The following MYZAP variants were observed in gnomAD, a reference collection of about 807,000 sequenced individuals.
MYZAP encodes GRINL1A complex locus upstream.
MYZAP carries 66 observed loss-of-function variants against 69.4 expected under a neutral mutation model. The ratio of observed to expected loss-of-function variants is 0.95; its 90% CI spans 0.78 to 1.17. The LOEUF is 1.17. Ranked by LOEUF, MYZAP falls within the 50% of genes most tolerant of loss-of-function variation. The probability of loss-of-function intolerance (pLI) is 0.00; values close to 1 mark genes in which losing one functional copy is unlikely to be tolerated. For missense variants in MYZAP, 611 were observed against 556.2 expected (o/e 1.10, Z -0.99); for synonymous variants, 256 against 205.9 (o/e 1.24, Z -2.09).
intron 10 of MYZAP, among the ~76,000 whole-genome samples, chr15:57,642,497 T>A (rs1009274522): frequency 5.3e-5 from 8 of 152,110 alleles, no homozygotes; most frequent in African/African-American, 1.9e-4. Flanking sequence ...AGCCTTTAAG[T>A]GTAGCGGATG....
chr15:57,601,276 G>GTGTGTGTGT, intron 1 of MYZAP, among the ~76,000 whole-genome samples: 1 of 147,934 alleles, frequency 6.8e-6, no homozygotes, highest in Non-Finnish European at 1.5e-5. Flanking sequence ...GTGCACACTT[G>GTGTGTGTGT]TGTGTGTGTG....
At chr15:57,633,808 C>A (rs969359759) in intron 8 of MYZAP, 67 bp downstream of exon 8, 5 of 1,377,118 alleles carry the variant, frequency 3.6e-6, no homozygotes, top group Non-Finnish European at 4.7e-6. Flanking sequence ...ATCTGAGATA[C>A]GAGAGGCCCT....
At chr15:57,620,341 C>T (rs1200579164) in intron 3 of MYZAP, among the ~76,000 whole-genome samples, 1 of 152,280 alleles carries the variant, frequency 6.6e-6, no homozygotes, top group African/African-American at 2.4e-5. Context: ...ATGTCCTAAA[C>T]ACTTACATTC....
chr15:57,620,206 C>T (rs1377072653), intron 3 of MYZAP, among the ~76,000 whole-genome samples: 2 of 152,204 alleles, frequency 1.3e-5, no homozygotes, highest in Non-Finnish European at 2.9e-5. Flanking sequence ...TTTTAGAATT[C>T]ATGTGGGGAA....
chr15:57,611,234 T>G lies in MYZAP; in HGVS notation c.163-6799T>G, dbSNP rs187434981. ...GCTCTTTAAAGTACAGAAAATAACT[T>G]TCTTAGGGGCACACAGCTAGTAGAT... is the stretch of plus-strand genomic sequence containing the variant. On this transcript the variant is annotated intron_variant, in intron 2 of 12. Transcript: ENST00000267853. 1.1e-4 allele frequency among the ~76,000 whole-genome samples: 17 copies of G among 152,224 alleles called. 1 individual carries two copies. Among genetic ancestry groups the G allele is most frequent in the Admixed American group, 9.2e-4 (14 of 15,288 alleles).
intron 12 of MYZAP, among the ~76,000 whole-genome samples, chr15:57,676,431 T>C (rs2039127975): frequency 1.1e-5 from 1 of 88,742 alleles, no homozygotes; most frequent in Non-Finnish European, 2.3e-5. Flanking sequence ...TGTATATATA[T>C]ATATGTATAT....
chr15:57,643,339 G>C (rs190514878), intron 10 of MYZAP, among the ~76,000 whole-genome samples: 64 of 152,298 alleles, frequency 4.2e-4, no homozygotes, highest in Middle Eastern at 3.4e-3. Flanking sequence ...CGAGTTCCAG[G>C]GTAGTCTTGC....
chr15:57,615,662 G>A (rs1167233236), intron 2 of MYZAP, among the ~76,000 whole-genome samples: 1 of 152,198 alleles, frequency 6.6e-6, no homozygotes, highest in Non-Finnish European at 1.5e-5. Context: ...TTTCATTAGA[G>A]CTTTTCCTCT....
At chr15:57,612,032 A>T (rs1844122637) in intron 2 of MYZAP, among the ~76,000 whole-genome samples, 1 of 152,226 alleles carries the variant, frequency 6.6e-6, no homozygotes, top group South Asian at 2.1e-4. Flanking sequence ...GTTAAGTATG[A>T]GTAATGACCT....
At chr15:57,681,141 A>T (rs1185058245) in intron 12 of MYZAP, among the ~76,000 whole-genome samples, 1 of 152,160 alleles carries the variant, frequency 6.6e-6, no homozygotes, top group South Asian at 2.1e-4. Context: ...CTTTCAGGAT[A>T]TTGTCATTGG....
chr15:57,652,628 A>G (rs1453858878), intron 10 of MYZAP, among the ~76,000 whole-genome samples: 4 of 152,208 alleles, frequency 2.6e-5, no homozygotes, highest in Admixed American at 1.3e-4. Flanking sequence ...TGTTAAGAGA[A>G]TTGGAAACAA....
At chr15:57,640,890 A>G (rs1218802726) in intron 10 of MYZAP, among the ~76,000 whole-genome samples, 2 of 152,242 alleles carry the variant, frequency 1.3e-5, no homozygotes, top group African/African-American at 2.4e-5. Context: ...TGCCCATAAC[A>G]GTAATGCGGA....
At chr15:57,656,181 G>A (rs1272247097) in intron 10 of MYZAP, among the ~76,000 whole-genome samples, 1 of 152,178 alleles carries the variant, frequency 6.6e-6, no homozygotes, top group Non-Finnish European at 1.5e-5. Flanking sequence ...CTGGGGACAT[G>A]TGTTTAGCAA....
At chr15:57,622,264 A>G (rs563353041) in intron 4 of MYZAP, among the ~76,000 whole-genome samples, 2 of 152,250 alleles carry the variant, frequency 1.3e-5, no homozygotes, top group South Asian at 2.1e-4. Context: ...GAAAAATACT[A>G]CATACCTAGG....
At chr15:57,653,118 G>A (rs2037810056) in intron 10 of MYZAP, among the ~76,000 whole-genome samples, 1 of 152,202 alleles carries the variant, frequency 6.6e-6, no homozygotes, top group East Asian at 1.9e-4. Flanking sequence ...ATGGTGGCTG[G>A]GGAGCTTTGG....
intron 10 of MYZAP, among the ~76,000 whole-genome samples, chr15:57,655,598 GA>G (rs143304027): frequency 4.8e-5 from 7 of 146,252 alleles, no homozygotes; most frequent in African/African-American, 1.0e-4. Flanking sequence ...TAGCTAATGT[GA>G]AAAAAAAAAG....
At chr15:57,646,175 G>A (rs1263470859) in intron 10 of MYZAP, 1 of 1,289,320 alleles carries the variant, frequency 7.8e-7, no homozygotes, top group Non-Finnish European at 1.0e-6. Context: ...TTAGTCTCCG[G>A]CTCTTTGGAA....
intron 2 of MYZAP, among the ~76,000 whole-genome samples, chr15:57,604,691 G>A (rs2034634309): frequency 6.6e-6 from 1 of 152,206 alleles, no homozygotes; most frequent in South Asian, 2.1e-4. Flanking sequence ...GCTTCAAAGG[G>A]CCTATTGTGA....
chr15:57,611,569 A>G (rs1177009360), intron 2 of MYZAP, among the ~76,000 whole-genome samples: 1 of 152,042 alleles, frequency 6.6e-6, no homozygotes, highest in African/African-American at 2.4e-5. Flanking sequence ...TAGCACTCCT[A>G]TCAGGCTGCT....
Sources: allele counts gnomAD v4.1 joint callset (sites outside exome capture counted in the v4.1 genomes callset), GRCh38; gene constraint gnomAD v4.1.1; transcripts MANE v1.5; gene names NCBI Gene and HGNC (gene_info 2026-07-23, HGNC 2026-07-21).